The following SSBP3 variants were observed in gnomAD, a reference collection of about 807,000 sequenced individuals.
The protein encoded by SSBP3 is single-stranded DNA-binding protein 3.
SSBP3 carries 5 observed loss-of-function variants against 69.6 expected under a neutral mutation model. The ratio of observed to expected loss-of-function variants is 0.07; its 90% confidence interval spans 0.04 to 0.15. The LOEUF is 0.15. SSBP3 is among the 10% of genes least tolerant of loss of function. SSBP3 has a pLI of 1.00. For missense variants in SSBP3, 312 were observed against 534.0 expected (o/e 0.58, Z 4.10); for synonymous variants, 196 against 193.4 (o/e 1.01, Z -0.11).
At chr1:54,357,806 C>T (rs148491554) in intron 4 of SSBP3, among the ~76,000 whole-genome samples, 1 of 152,334 alleles carries the variant, frequency 6.6e-6, no homozygotes, top group African/African-American at 2.4e-5. Context: ...GCCTGGCACC[C>T]AGGGAGCAGG....
At chr1:54,302,706 T>C (rs1645824597) in intron 4 of SSBP3, among the ~76,000 whole-genome samples, 1 of 152,214 alleles carries the variant, frequency 6.6e-6, no homozygotes, top group Non-Finnish European at 1.5e-5. Context: ...AACTCACCAC[T>C]TCGAGAACAC....
chr1:54,265,462 G>T (rs1337288139), intron 5 of SSBP3, among the ~76,000 whole-genome samples: 1 of 152,220 alleles, frequency 6.6e-6, no homozygotes, highest in Admixed American at 6.5e-5. Flanking sequence ...TGGGTCCTCA[G>T]GGGGCTGAGC....
chr1:54,291,626 G>A (rs1645609949), intron 4 of SSBP3, among the ~76,000 whole-genome samples: 1 of 152,264 alleles, frequency 6.6e-6, no homozygotes, highest in African/African-American at 2.4e-5. Context: ...AGAGATGCAA[G>A]CTGTTGGCTT....
chr1:54,413,081 G>A (rs1470573102), intron 1 of SSBP3: 11 of 152,128 alleles, frequency 7.2e-5, no homozygotes, highest in South Asian at 2.1e-4. Flanking sequence ...AAAGACTTAC[G>A]GACATGGTGC....
chr1:54,327,271 A>AGGAAGGAG (rs1553139345), intron 4 of SSBP3, among the ~76,000 whole-genome samples: 2 of 151,192 alleles, frequency 1.3e-5, no homozygotes, highest in South Asian at 4.2e-4. Context: ...GAAGGAAGGA[A>AGGAAGGAG]AACAACAACA....
chr1:54,362,516 T>G (rs528546798), intron 4 of SSBP3, among the ~76,000 whole-genome samples: 35 of 152,312 alleles, frequency 2.3e-4, no homozygotes, highest in African/African-American at 7.9e-4. Context: ...CCACAGATAG[T>G]CTACTTGGTG....
At chr1:54,249,422 C>G (rs963002251) in intron 9 of SSBP3, among the ~76,000 whole-genome samples, 5 of 152,184 alleles carry the variant, frequency 3.3e-5, no homozygotes, top group Non-Finnish European at 5.9e-5. Context: ...TGGCCAGGCA[C>G]GGTGGCTCAC....
chr1:54,409,755 C>G (rs1485691559), upstream of SSBP3, among the ~76,000 whole-genome samples: 4 of 152,194 alleles, frequency 2.6e-5, no homozygotes, highest in Non-Finnish European at 4.4e-5. Flanking sequence ...CCCTCCCTTC[C>G]TTTTTTTCTT....
intron 4 of SSBP3, among the ~76,000 whole-genome samples, chr1:54,289,048 A>AC (rs1434120706): frequency 1.1e-4 from 13 of 123,746 alleles, no homozygotes; most frequent in African/African-American, 3.4e-4. Context: ...AAAAAAACAA[A>AC]AAAAAAAAAC....
At chr1:54,278,327 T>A (rs747273464) in intron 5 of SSBP3, among the ~76,000 whole-genome samples, 13 of 95,590 alleles carry the variant, frequency 1.4e-4, no homozygotes, top group Non-Finnish European at 2.4e-4. Flanking sequence ...ATATTAGGGC[T>A]TTTTTTTTTT....
chr1:54,402,157 A>G (rs938293260), intron 3 of SSBP3, among the ~76,000 whole-genome samples: 1 of 152,208 alleles, frequency 6.6e-6, no homozygotes, highest in East Asian at 1.9e-4. Context: ...TAGTTCTTAT[A>G]TATCAAATAC....
chr1:54,412,710 A>G (rs538384706), intron 1 of SSBP3: 49 of 152,166 alleles, frequency 3.2e-4, no homozygotes, highest in African/African-American at 1.2e-3. Context: ...TGTTATATAT[A>G]TTTTACTGCA....
intron 5 of SSBP3, among the ~76,000 whole-genome samples, chr1:54,267,589 C>T (rs762871314): frequency 2.6e-5 from 4 of 152,120 alleles, no homozygotes; most frequent in African/African-American, 4.8e-5. Context: ...GATTCTGGAC[C>T]GTGAGGATGG....
At chr1:54,396,499 A>AAC (rs1648897752) in intron 4 of SSBP3, among the ~76,000 whole-genome samples, 1 of 152,048 alleles carries the variant, frequency 6.6e-6, no homozygotes, top group Non-Finnish European at 1.5e-5. Flanking sequence ...TTAAGGCTTA[A>AAC]ACACACACAC....
chr1:54,271,740 A>C (rs182115847), intron 5 of SSBP3, among the ~76,000 whole-genome samples: 2 of 152,310 alleles, frequency 1.3e-5, no homozygotes, highest in Admixed American at 1.3e-4. Context: ...TTGAGCAAGA[A>C]ACAAGAGACG....
chr1:54,238,998 T>G lies in SSBP3; in HGVS notation c.927+131A>C, dbSNP rs911017534. On this transcript the variant is annotated intron_variant, in intron 14 of 17. Coordinates refer to ENST00000610401, the Ensembl canonical transcript of SSBP3. ...GTTGCCCAAGAGTTAATCACTTTTCTGACGGTTTATTTTATTCATCTTTGG... is the reference window on the plus strand; with the variant it reads ...GTTGCCCAAGAGTTAATCACTTTTCGGACGGTTTATTTTATTCATCTTTGG... 3.7e-6 allele frequency: 3 copies of G among 807,300 alleles called. No individual in the cohort carries two copies. In the African/African-American group the frequency reaches 5.2e-5, roughly 14 times the overall value. The allele number at this position is 807,300 out of a possible 1,614,324, so 50.0% of individuals were successfully genotyped here.
At chr1:54,354,417 C>T (rs771204969) in intron 4 of SSBP3, among the ~76,000 whole-genome samples, 1 of 152,148 alleles carries the variant, frequency 6.6e-6, no homozygotes, top group Non-Finnish European at 1.5e-5. Flanking sequence ...GAACGGCAAA[C>T]CCGAGAACTA....
chr1:54,308,436 C>G (rs538713529), intron 4 of SSBP3, among the ~76,000 whole-genome samples: 16 of 152,178 alleles, frequency 1.1e-4, no homozygotes, highest in African/African-American at 3.6e-4. Context: ...CCCGTCTCTA[C>G]TAAAAATACA....
At chr1:54,232,283 T>G (rs1391905944) in intron 14 of SSBP3, among the ~76,000 whole-genome samples, 2 of 150,640 alleles carry the variant, frequency 1.3e-5, no homozygotes, top group Non-Finnish European at 2.9e-5. Context: ...ATACTTAAAT[T>G]TGATAGGCTA....
Sources: gnomAD v4.1 joint callset for allele counts (sites outside exome capture counted in the v4.1 genomes callset) on GRCh38, gnomAD v4.1.1 for gene constraint, MANE v1.5 for transcripts, NCBI Gene and HGNC (gene_info 2026-07-23, HGNC 2026-07-21) for gene names.